The following PCDH9 variants were observed in gnomAD, a reference collection of about 807,000 sequenced individuals.
PCDH9 encodes the protein protocadherin 9, also known as protocadherin-9.
In PCDH9, 24 loss-of-function variants were observed where a neutral mutation model predicts 70.6. The observed-to-expected ratio is 0.34, with a 90% CI of 0.25 to 0.48. The LOEUF is 0.48. Ranked by LOEUF, PCDH9 falls within the 20% of genes least tolerant of loss-of-function variation. The pLI is 0.99. For synonymous variants in PCDH9, 562 were observed against 558.5 expected (o/e 1.01, Z -0.09); for missense variants, 1,281 against 1,503.6 (o/e 0.85, Z 2.45).
chr13:66,771,501 C>A (rs940127216), intron 3 of PCDH9, among the ~76,000 whole-genome samples: 3 of 152,056 alleles, frequency 2.0e-5, no homozygotes, highest in Admixed American at 1.3e-4. Flanking sequence ...CCATTAAGTA[C>A]AATAGTAGTA....
chr13:66,700,079 T>C (rs2078617438), intron 3 of PCDH9, among the ~76,000 whole-genome samples: 1 of 152,308 alleles, frequency 6.6e-6, no homozygotes, highest in South Asian at 2.1e-4. Context: ...GTTCCAGTGT[T>C]GTTAGGGCCC....
intron 4 of PCDH9, among the ~76,000 whole-genome samples, chr13:66,409,355 T>C (rs1957334007): frequency 1.3e-5 from 2 of 152,296 alleles, no homozygotes; most frequent in Admixed American, 1.3e-4. Context: ...ACAGCAAATA[T>C]CATATTTACA....
Position 66,303,204 on chromosome 13 carries a change from GCTA to G in PCDH9, c.*1448_*1450del, listed in dbSNP as rs1291300404. ...TTTCAATAAAGACATTTTGTTGCAT[GCTA>G]TTTATTTGTTTAAATCATCTGTCAT... On this transcript the variant is annotated 3_prime_UTR_variant, in exon 5 of 5. Transcript: ENST00000377865. 1.3e-5 allele frequency: 2 copies of G among 151,210 alleles called. No homozygotes were observed. Among genetic ancestry groups the G allele is most frequent in the Non-Finnish European group, 3.0e-5 (2 of 67,720 alleles). The allele number at this position is 151,210 out of a possible 1,614,324, so 9.4% of individuals were successfully genotyped here.
At chr13:67,129,778 G>A (rs1301278390) in intron 2 of PCDH9, among the ~76,000 whole-genome samples, 1 of 151,840 alleles carries the variant, frequency 6.6e-6, no homozygotes, top group African/African-American at 2.4e-5. Flanking sequence ...CAAAATAAGT[G>A]AATAAGTACC....
rs1477206834 is a variant in PCDH9, at chr13:67,226,385, A to G, written c.2056T>C (p.Leu686=). Reference sequence around the variant, plus strand: ...CCAGGAATGGCTGAGAGGGGCACCAACTTAAAGGAAGTATTAGACGGTGGA... The same window carrying G: ...CCAGGAATGGCTGAGAGGGGCACCAGCTTAAAGGAAGTATTAGACGGTGGA... The part of the protein sequence containing the change: ...ISPPSNTSFK[L]VPLSAIPGSV... The change falls in exon 2 of 5, where the codon TTG becomes CTG. Residue 686 remains leucine (L), a synonymous_variant. Transcript: ENST00000377865. This position sits in a 1 kb window ranked among gnomAD's most constrained non-coding sequence, Gnocchi z 5.0. 6.2e-7 allele frequency: 1 copy of G among 1,614,202 alleles called. No homozygotes were observed. The highest frequency in any genetic ancestry group is 8.5e-7 in the Non-Finnish European group (1 of 1,180,024).
chr13:66,346,777 T>C (rs1404735575), intron 4 of PCDH9, among the ~76,000 whole-genome samples: 1 of 152,202 alleles, frequency 6.6e-6, no homozygotes, highest in Non-Finnish European at 1.5e-5. Context: ...AGTTAACCTG[T>C]GTTGGTGTGG....
chr13:66,891,822 T>TG (rs1218356906), intron 3 of PCDH9, among the ~76,000 whole-genome samples: 2 of 152,008 alleles, frequency 1.3e-5, no homozygotes, highest in African/African-American at 4.8e-5. Flanking sequence ...TTCCATTTTT[T>TG]TTTTGTTTTG....
intron 4 of PCDH9, among the ~76,000 whole-genome samples, chr13:66,576,069 T>TAA (rs1239561008): frequency 3.4e-4 from 36 of 106,072 alleles, no homozygotes; most frequent in African/African-American, 1.0e-3. Context: ...TCACAGCAGA[T>TAA]AAAAAAAAAA....
At chr13:67,146,857 C>T (rs1187580046) in intron 2 of PCDH9, among the ~76,000 whole-genome samples, 3 of 152,062 alleles carry the variant, frequency 2.0e-5, no homozygotes, top group Admixed American at 6.6e-5. Flanking sequence ...TGAACATTTT[C>T]GTAAAGTAAA....
At chr13:66,466,712 C>T (rs954559602) in intron 4 of PCDH9, among the ~76,000 whole-genome samples, 1 of 151,996 alleles carries the variant, frequency 6.6e-6, no homozygotes, top group Admixed American at 6.6e-5. Flanking sequence ...AAAATGGCAA[C>T]CTATTATCTA....
chr13:66,408,050 C>CA (rs1957309223), intron 4 of PCDH9, among the ~76,000 whole-genome samples: 3 of 132,262 alleles, frequency 2.3e-5, no homozygotes, highest in Admixed American at 1.6e-4. Context: ...GCAGGGATCA[C>CA]TTTTTTTTTT....
chr13:66,522,045 A>ATG, intron 4 of PCDH9, among the ~76,000 whole-genome samples: 1 of 147,922 alleles, frequency 6.8e-6, no homozygotes, highest in South Asian at 2.1e-4. Context: ...ACATATATAT[A>ATG]TATATATAGT....
At chr13:67,182,431 A>G (rs1182336611) in intron 2 of PCDH9, among the ~76,000 whole-genome samples, 2 of 152,066 alleles carry the variant, frequency 1.3e-5, no homozygotes, top group Non-Finnish European at 1.5e-5. Context: ...ACCATTCTTT[A>G]CCACCTTTTT....
At chr13:66,784,573 A>T (rs1399869625) in intron 3 of PCDH9, among the ~76,000 whole-genome samples, 1 of 152,168 alleles carries the variant, frequency 6.6e-6, no homozygotes, top group African/African-American at 2.4e-5. Context: ...TTTCTATTAC[A>T]TGCAGCTGAA....
chr13:66,504,306 T>C (rs1959192660), intron 4 of PCDH9, among the ~76,000 whole-genome samples: 1 of 152,206 alleles, frequency 6.6e-6, no homozygotes, highest in Admixed American at 6.5e-5. Context: ...TCATTGTAAA[T>C]CTTATAATTA....
chr13:66,837,224 T>C (rs972100709), intron 3 of PCDH9, among the ~76,000 whole-genome samples: 5 of 152,232 alleles, frequency 3.3e-5, no homozygotes, highest in African/African-American at 1.2e-4. Flanking sequence ...CTCCCCAAAA[T>C]GAGTTCTCTT....
chr13:66,691,610 A>G (rs945699123), intron 3 of PCDH9, among the ~76,000 whole-genome samples: 1 of 152,188 alleles, frequency 6.6e-6, no homozygotes, highest in African/African-American at 2.4e-5. Flanking sequence ...TTTGCCTCTG[A>G]AAATTATTAT....
intron 2 of PCDH9, among the ~76,000 whole-genome samples, chr13:67,196,882 C>T (rs1295691556): frequency 6.6e-6 from 1 of 151,886 alleles, no homozygotes; most frequent in Non-Finnish European, 1.5e-5. Context: ...CATTTTCAAA[C>T]ATTATTTCAT....
At chr13:66,402,140 C>T (rs1957199414) in intron 4 of PCDH9, among the ~76,000 whole-genome samples, 1 of 151,902 alleles carries the variant, frequency 6.6e-6, no homozygotes, top group African/African-American at 2.4e-5. Flanking sequence ...GGCTTTCTGC[C>T]TTTGGAATTG....
Sources: allele counts gnomAD v4.1 joint callset (sites outside exome capture counted in the v4.1 genomes callset), GRCh38; gene constraint gnomAD v4.1.1; non-coding constraint Gnocchi (gnomAD v3.1); transcripts MANE v1.5; gene names NCBI Gene and HGNC (gene_info 2026-07-23, HGNC 2026-07-21).